PTPRD: variants seen among roughly 807,000 people sequenced by gnomAD.
PTPRD encodes the protein protein tyrosine phosphatase receptor type D.
A neutral mutation model predicts 214.5 loss-of-function variants in PTPRD; 34 were observed. The observed-to-expected ratio is 0.16, with a 90% CI of 0.12 to 0.21. The LOEUF is 0.21. Among genes scored for constraint, PTPRD ranks in the 10% least tolerant of loss-of-function variants. PTPRD has a pLI of 1.00. For missense variants in PTPRD, 2,545 were observed against 2,398.7 expected (o/e 1.06, Z -1.27); for synonymous variants, 1,128 against 845.7 (o/e 1.33, Z -5.79).
At chr9:8,353,156 G>A (rs1346801382) in intron 39 of PTPRD, among the ~76,000 whole-genome samples, 2 of 152,082 alleles carry the variant, frequency 1.3e-5, no homozygotes, top group Admixed American at 6.6e-5. Context: ...TTATTTAAAT[G>A]GTATTGTCCA....
At chr9:9,469,254 T>A (rs1487264791) in intron 8 of PTPRD, among the ~76,000 whole-genome samples, 1 of 152,158 alleles carries the variant, frequency 6.6e-6, no homozygotes, top group Non-Finnish European at 1.5e-5. Flanking sequence ...CTTTTGTAAA[T>A]GCAGCTATTA....
intron 5 of PTPRD, among the ~76,000 whole-genome samples, chr9:9,910,355 A>C (rs991302265): frequency 1.3e-5 from 2 of 152,000 alleles, no homozygotes; most frequent in Non-Finnish European, 2.9e-5. Context: ...GCAATCTTTT[A>C]AAAATATCTG....
chr9:9,738,758 A>G (rs983402576), intron 6 of PTPRD, among the ~76,000 whole-genome samples: 1 of 151,750 alleles, frequency 6.6e-6, no homozygotes, highest in Non-Finnish European at 1.5e-5. Context: ...CTCACTTTTT[A>G]ATTGGGTTGT....
chr9:8,786,984 G>A (rs978204426), intron 11 of PTPRD, among the ~76,000 whole-genome samples: 1 of 151,374 alleles, frequency 6.6e-6, no homozygotes, highest in African/African-American at 2.4e-5. Flanking sequence ...CTACAGGTGC[G>A]CACCACCACG....
intron 39 of PTPRD, among the ~76,000 whole-genome samples, chr9:8,375,256 T>C (rs1479452148): frequency 1.3e-5 from 2 of 151,980 alleles, no homozygotes; most frequent in East Asian, 1.9e-4. Flanking sequence ...TAAAAATCTA[T>C]AAACATTTAT....
intron 3 of PTPRD, among the ~76,000 whole-genome samples, chr9:10,164,918 A>G (rs753579462): frequency 1.3e-5 from 2 of 151,454 alleles, no homozygotes; most frequent in African/African-American, 2.4e-5. Context: ...ACAATAGCAT[A>G]CATCTGATTC....
chr9:9,940,052 A>G (rs572160944), intron 4 of PTPRD, among the ~76,000 whole-genome samples: 18 of 152,298 alleles, frequency 1.2e-4, no homozygotes, highest in African/African-American at 4.1e-4. Context: ...GTAGAGCTTA[A>G]TAAAGAACTC....
chr9:10,561,304 T>G (rs1414076369), intron 2 of PTPRD, among the ~76,000 whole-genome samples: 1 of 152,198 alleles, frequency 6.6e-6, no homozygotes, highest in African/African-American at 2.4e-5. Flanking sequence ...GAAGCACTTA[T>G]TTAACAAGTA....
intron 11 of PTPRD, among the ~76,000 whole-genome samples, chr9:8,884,198 A>T (rs1228368151): frequency 6.6e-6 from 1 of 152,216 alleles, no homozygotes; most frequent in Non-Finnish European, 1.5e-5. Context: ...GCACTGAGAG[A>T]ATGGCTATAC....
chr9:10,227,578 C>T (rs1044989501), intron 3 of PTPRD, among the ~76,000 whole-genome samples: 2 of 151,868 alleles, frequency 1.3e-5, no homozygotes, highest in African/African-American at 4.8e-5. Context: ...ATAAGGTGAT[C>T]CTCCTCAATG....
intron 9 of PTPRD, among the ~76,000 whole-genome samples, chr9:9,382,525 T>C (rs2062642636): frequency 1.3e-5 from 2 of 152,200 alleles, no homozygotes; most frequent in Admixed American, 1.3e-4. Flanking sequence ...AGGGCTTGAA[T>C]AGACATTTCC....
At chr9:8,981,363 C>T (rs1288886321) in intron 11 of PTPRD, among the ~76,000 whole-genome samples, 1 of 151,904 alleles carries the variant, frequency 6.6e-6, no homozygotes, top group Non-Finnish European at 1.5e-5. Flanking sequence ...AGAAATTATT[C>T]CAAAACATAT....
chr9:8,479,258 C>T (rs1482823439), intron 30 of PTPRD, among the ~76,000 whole-genome samples: 1 of 152,174 alleles, frequency 6.6e-6, no homozygotes, highest in East Asian at 1.9e-4. Context: ...TCATCTAAGG[C>T]TTTTCACTAC....
At chr9:8,743,124 G>A (rs1301656643) in intron 11 of PTPRD, among the ~76,000 whole-genome samples, 1 of 143,758 alleles carries the variant, frequency 7.0e-6, no homozygotes, top group Non-Finnish European at 1.5e-5. Flanking sequence ...AGGGGGGGGG[G>A]ACTTTTAAGA....
chr9:9,011,573 A>G (rs1276717707), intron 11 of PTPRD, among the ~76,000 whole-genome samples: 1 of 152,212 alleles, frequency 6.6e-6, no homozygotes, highest in Non-Finnish European at 1.5e-5. Flanking sequence ...ATTCCCTGCC[A>G]GAGTAGCTAA....
chr9:8,998,516 A>G (rs1269707835), intron 11 of PTPRD, among the ~76,000 whole-genome samples: 1 of 152,018 alleles, frequency 6.6e-6, no homozygotes, highest in East Asian at 1.9e-4. Context: ...CTGTAAAAAC[A>G]TTGCTGCTCA....
At chr9:8,706,494 G>A (rs1017840479) in intron 12 of PTPRD, among the ~76,000 whole-genome samples, 1 of 152,144 alleles carries the variant, frequency 6.6e-6, no homozygotes, top group Admixed American at 6.5e-5. Flanking sequence ...ATCTAAGTCT[G>A]CATGGTCTCT....
intron 5 of PTPRD, among the ~76,000 whole-genome samples, chr9:9,831,493 A>G (rs991563993): frequency 3.3e-5 from 5 of 151,936 alleles, no homozygotes; most frequent in Admixed American, 3.3e-4. Context: ...GCTCTCCCTT[A>G]ACTGACAAGT....
intron 3 of PTPRD, among the ~76,000 whole-genome samples, chr9:10,092,878 C>G (rs894681149): frequency 1.1e-4 from 17 of 151,576 alleles, no homozygotes; most frequent in Admixed American, 6.6e-5. Flanking sequence ...ATTAATGGTG[C>G]TGGGATAACT....
Sources: allele counts gnomAD v4.1 joint callset (sites outside exome capture counted in the v4.1 genomes callset), GRCh38; gene constraint gnomAD v4.1.1; transcripts MANE v1.5; gene names NCBI Gene and HGNC (gene_info 2026-07-23, HGNC 2026-07-21).